The following SYNE2 variants were observed in gnomAD, a reference collection of about 807,000 sequenced individuals.
SYNE2 encodes nesprin-2.
In SYNE2, 431 loss-of-function variants were observed where a neutral mutation model predicts 856.3. The observed-to-expected ratio is 0.50, with a 90% CI of 0.47 to 0.55. The LOEUF (loss-of-function observed/expected upper bound fraction) is 0.55, where lower values mean the gene tolerates loss of function less well. Among genes scored for constraint, SYNE2 ranks in the 20% least tolerant of loss-of-function variants. SYNE2 has a pLI of 0.00. For synonymous variants in SYNE2, 2,923 were observed against 2,872.3 expected (o/e 1.02, Z -0.56); for missense variants, 8,129 against 8,023.2 (o/e 1.01, Z -0.50).
chr14:64,156,984 C>A (rs1052653394), intron 85 of SYNE2, among the ~76,000 whole-genome samples: 1 of 152,152 alleles, frequency 6.6e-6, no homozygotes, highest in Non-Finnish European at 1.5e-5. Flanking sequence ...GGTCTGAGTG[C>A]AGAGCTGTGT....
At chr14:63,773,241 C>A (rs12891651) in intron 1 of SYNE2, among the ~76,000 whole-genome samples, 18,838 of 151,764 alleles carry the variant, frequency 0.12, 1,201 homozygotes, top group Admixed American at 0.16. Flanking sequence ...ACTCTGTCAC[C>A]CAGGCTGGAA....
At chr14:64,131,906 T>A (rs2098025497) in intron 76 of SYNE2, among the ~76,000 whole-genome samples, 1 of 147,830 alleles carries the variant, frequency 6.8e-6, no homozygotes, top group Non-Finnish European at 1.5e-5. Flanking sequence ...GTTCCACTAG[T>A]GTTCAAAGAC....
At chr14:64,155,244 G>C (rs2098276029) in intron 85 of SYNE2, among the ~76,000 whole-genome samples, 1 of 152,036 alleles carries the variant, frequency 6.6e-6, no homozygotes, top group Admixed American at 6.6e-5. Flanking sequence ...AATGTATAAA[G>C]AAAACGTGGT....
At chr14:63,971,877 A>G (rs1450061721) in intron 11 of SYNE2, among the ~76,000 whole-genome samples, 1 of 152,240 alleles carries the variant, frequency 6.6e-6, no homozygotes, top group East Asian at 1.9e-4. Context: ...TTTTAAATGG[A>G]TAATGAAATG....
chr14:64,051,816 G>A lies in SYNE2; in HGVS notation c.7903G>A (p.Val2635Ile). Residue 2635 changes from valine to isoleucine, a missense_variant, in exon 48 of 116, where the codon GTA becomes ATA. Physicochemically the swap from Val to Ile is conservative, Grantham distance 29. Transcript: ENST00000555002. ...YDEFTTLMNK[V>I]QDTEISLQQQ... ...TGAATTTACAACCCTCATGAATAAG[G>A]TACAGGACACTGAGATTTCTCTGCA... 1 of 1,614,064 alleles carries A rather than the reference G, an allele frequency of 6.2e-7. No individual in the cohort carries two copies. The highest frequency in any genetic ancestry group is 8.5e-7 in the Non-Finnish European group (1 of 1,180,014).
chr14:63,959,871 A>T (rs930696107), intron 8 of SYNE2, among the ~76,000 whole-genome samples: 1 of 151,982 alleles, frequency 6.6e-6, no homozygotes, highest in Non-Finnish European at 1.5e-5. Context: ...CCATTTTTGT[A>T]TGTACAAATA....
intron 84 of SYNE2, among the ~76,000 whole-genome samples, chr14:64,147,053 T>G (rs2153698124): frequency 6.6e-6 from 1 of 152,332 alleles, no homozygotes; most frequent in East Asian, 1.9e-4. Context: ...GACAGCCACC[T>G]TGGAGTCATG....
intron 1 of SYNE2, among the ~76,000 whole-genome samples, chr14:63,810,362 G>C (rs1347102564): frequency 1.3e-5 from 2 of 152,144 alleles, no homozygotes; most frequent in Non-Finnish European, 2.9e-5. Context: ...TGTCAAAAAT[G>C]TATAAAGTTT....
At chr14:64,184,739 A>G (rs916366497) in intron 96 of SYNE2, among the ~76,000 whole-genome samples, 5 of 152,238 alleles carry the variant, frequency 3.3e-5, no homozygotes, top group African/African-American at 1.2e-4. Flanking sequence ...CGTGAGACCA[A>G]AAGTAGGTAA....
At chr14:63,887,958 G>C (rs1240671612) in intron 1 of SYNE2, among the ~76,000 whole-genome samples, 1 of 151,916 alleles carries the variant, frequency 6.6e-6, no homozygotes, top group Admixed American at 6.6e-5. Context: ...TCACCATGTT[G>C]GCCAGGCTTG....
chr14:64,002,891 G>T lies in SYNE2; in HGVS notation c.3958G>T (p.Asp1320Tyr), dbSNP rs944618564. 7 of 1,614,210 alleles carry T rather than the reference G, an allele frequency of 4.3e-6. No individual in the cohort carries two copies. Among genetic ancestry groups the T allele is most frequent in the Non-Finnish European group, 5.9e-6 (7 of 1,180,042 alleles). The part of the protein sequence containing the change: ...GMNHRVQRSE[D>Y]TLKALEDFLA... ...GAACCACAGGGTGCAGAGGAGTGAA[G>T]ATACTCTCAAAGCTCTGGAAGACTT... is the stretch of plus-strand genomic sequence containing the variant. Residue 1320 changes from aspartate to tyrosine, a missense_variant, in exon 30 of 116, where the codon GAT (aspartate) becomes TAT (tyrosine). Physicochemically the swap from Asp to Tyr is radical, Grantham distance 160. This residue lies in a region of SYNE2 where 2,422 missense variants were observed against 2,357.4 expected (regional missense o/e 1.03). Coordinates refer to ENST00000555002, the MANE Select transcript of SYNE2 (RefSeq NM_182914.3).
chr14:64,215,735 TG>T, intron 107 of SYNE2: 2 of 345,330 alleles, frequency 5.8e-6, no homozygotes, highest in South Asian at 3.4e-5. Context: ...TGGAAAGGGG[TG>T]GGGGGTTGGG....
At chr14:63,992,597 A>G (rs1338481040) in intron 21 of SYNE2, among the ~76,000 whole-genome samples, 1 of 152,056 alleles carries the variant, frequency 6.6e-6, no homozygotes, top group Non-Finnish European at 1.5e-5. Context: ...CTCCTTTACC[A>G]GAGAAGGGCT....
At chr14:63,864,726 G>A (rs1305468230) in intron 1 of SYNE2, among the ~76,000 whole-genome samples, 2 of 152,068 alleles carry the variant, frequency 1.3e-5, no homozygotes, top group African/African-American at 4.8e-5. Flanking sequence ...TTTTTCAGGG[G>A]TAGTGAGGAC....
chr14:63,918,946 A>G (rs114533644), intron 2 of SYNE2, among the ~76,000 whole-genome samples: 39 of 152,336 alleles, frequency 2.6e-4, no homozygotes, highest in Middle Eastern at 3.4e-3. Flanking sequence ...TTTGCTGTAT[A>G]TCTCCGTCTG....
At chr14:63,894,319 C>T (rs905791157) in intron 1 of SYNE2, among the ~76,000 whole-genome samples, 1 of 151,894 alleles carries the variant, frequency 6.6e-6, no homozygotes, top group Non-Finnish European at 1.5e-5. Context: ...TGGGCTCAAA[C>T]TGTCCTCCTG....
At chr14:64,150,509 C>T (rs2098232257) in intron 84 of SYNE2, among the ~76,000 whole-genome samples, 1 of 151,976 alleles carries the variant, frequency 6.6e-6, no homozygotes, top group Non-Finnish European at 1.5e-5. Flanking sequence ...GCGTGAGCCA[C>T]TGTGCCCGGC....
At chr14:64,218,153 C>A (rs959312494) in intron 108 of SYNE2, 8 of 465,790 alleles carry the variant, frequency 1.7e-5, no homozygotes, top group African/African-American at 1.4e-4. Context: ...CCCTTTTCTT[C>A]CCATCACTGA....
chr14:64,080,587 G>C lies in SYNE2; in HGVS notation c.11295G>C (p.Gln3765His). 1 of 1,614,174 alleles carries C rather than the reference G, an allele frequency of 6.2e-7. No homozygotes were observed. Among genetic ancestry groups the C allele is most frequent in the Non-Finnish European group, 8.5e-7 (1 of 1,180,036 alleles). Residue 3765 changes from glutamine to histidine, a missense_variant, in exon 56 of 116, where the codon CAG (glutamine) becomes CAC (histidine). By Grantham distance (24) the Gln-to-His change is conservative. Transcript: ENST00000555002. The part of the protein sequence containing the change: ...WMDNLMIPFQ[Q>H]YQQVSQRAEC... Reference sequence around the variant, plus strand: ...ATAACTTGATGATTCCTTTCCAGCAGTATCAGCAAGTATCACAGAGAGCAG... The same window carrying C: ...ATAACTTGATGATTCCTTTCCAGCACTATCAGCAAGTATCACAGAGAGCAG...
Sources: allele counts gnomAD v4.1 joint callset (sites outside exome capture counted in the v4.1 genomes callset), GRCh38; gene constraint gnomAD v4.1.1; regional missense constraint gnomAD v4.1.1; transcripts MANE v1.5; gene names NCBI Gene and HGNC (gene_info 2026-07-23, HGNC 2026-07-21).